Variants in CEP192 observed in about 807,000 individuals in gnomAD.
CEP192 encodes the protein centrosomal protein 192.
Under a neutral mutation model 271.8 loss-of-function variants are expected in CEP192, and 151 were observed. The ratio of observed to expected loss-of-function variants is 0.56; its 90% CI spans 0.49 to 0.64. CEP192 has a LOEUF of 0.64. Among genes scored for constraint, CEP192 ranks in the 30% least tolerant of loss-of-function variants. CEP192 has a pLI of 0.00. For synonymous variants in CEP192, 995 were observed against 1,076.5 expected (o/e 0.92, Z 1.48); for missense variants, 2,910 against 3,020.5 (o/e 0.96, Z 0.86).
rs746335630 is a variant in CEP192 at position 13,087,642 on chromosome 18, C to T, written c.5989C>T (p.Arg1997Cys). Residue 1997 changes from arginine to cysteine, a missense_variant, in exon 32 of 45, where the codon CGC becomes TGC. Transcript: ENST00000506447. Reference sequence around the variant, plus strand: ...AGATGAAATTTCAAGACAGCAGTATCGCAGGTAGATTACTTATCTTACACA... The same window carrying T: ...AGATGAAATTTCAAGACAGCAGTATTGCAGGTAGATTACTTATCTTACACA... The part of the protein sequence containing the change: ...GGDEISRQQY[R>C]RALLHKPEMI... The T allele has an allele frequency of 1.8e-5, 26 of 1,473,248 alleles. No homozygotes were observed. Among genetic ancestry groups the T allele is most frequent in the Non-Finnish European group, 2.2e-5 (24 of 1,078,684 alleles). 91.3% of individuals were successfully genotyped at this position (1,473,248 alleles called of 1,614,324 possible). A position where few individuals can be genotyped will look rare whatever the true frequency, so the allele number is the denominator to read the frequency against.
At chr18:13,081,274 A>AT (rs1208229790) in intron 30 of CEP192, among the ~76,000 whole-genome samples, 1 of 151,924 alleles carries the variant, frequency 6.6e-6, no homozygotes, top group East Asian at 1.9e-4. Context: ...TGGTCCTGGA[A>AT]TTTTTTTGGT....
intron 44 of CEP192, among the ~76,000 whole-genome samples, chr18:13,121,916 T>G (rs2040679132): frequency 6.6e-6 from 1 of 152,266 alleles, no homozygotes; most frequent in Non-Finnish European, 1.5e-5. Context: ...TTTATTACCT[T>G]TTTCAGTTTC....
chr18:13,060,809 A>G (rs532963435), intron 21 of CEP192, among the ~76,000 whole-genome samples: 9 of 152,048 alleles, frequency 5.9e-5, no homozygotes, highest in Non-Finnish European at 1.2e-4. Flanking sequence ...TTGTGATCCC[A>G]ACTACTCAAG....
Position 13,072,857 on chromosome 18 carries a change from A to C in CEP192, c.5439+12A>C. The C allele has an allele frequency of 6.3e-7, 1 of 1,593,646 alleles. No individual in the cohort carries two copies. Among genetic ancestry groups the C allele is most frequent in the Non-Finnish European group, 8.6e-7 (1 of 1,161,444 alleles). On this transcript the variant is annotated intron_variant, in intron 29 of 44. Transcript: ENST00000506447. ...AGGACTGCTTTCAGGTTCGTAGAGT[A>C]CGTGGATTCTTGTTATGTCTTCTGT...
At chr18:13,073,833 T>C (rs998049642) in intron 30 of CEP192, among the ~76,000 whole-genome samples, 8 of 152,204 alleles carry the variant, frequency 5.3e-5, no homozygotes, top group East Asian at 1.9e-4. Context: ...TACTGTCACA[T>C]TGGGGACTAG....
chr18:13,029,782 A>G lies in CEP192; in HGVS notation c.1170A>G (p.Val390=), dbSNP rs2035512307. Residue 390 remains valine, a synonymous_variant, in exon 10 of 45, where the codon GTA becomes GTG. Coordinates refer to ENST00000506447, the MANE Select transcript of CEP192 (RefSeq NM_032142.4). ...NRGGFDLTDP[V]KQGAECPHQN... is the part of the protein sequence containing the mutation. ...GTGGTTTTGATCTGACTGACCCTGT[A>G]AAACAGGGGGCAGAGTGTCCTCACC... 5.2e-6 allele frequency: 8 copies of G among 1,551,542 alleles called. No individual in the cohort carries two copies. Among genetic ancestry groups the G allele is most frequent in the Non-Finnish European group, 7.0e-6 (8 of 1,146,846 alleles).
intron 9 of CEP192, among the ~76,000 whole-genome samples, chr18:13,023,142 C>T (rs1479206544): frequency 6.6e-6 from 1 of 152,112 alleles, no homozygotes; most frequent in Non-Finnish European, 1.5e-5. Flanking sequence ...TATTTCTTCC[C>T]AATCTATATA....
intron 30 of CEP192, among the ~76,000 whole-genome samples, chr18:13,080,523 TAAG>T (rs2038541750): frequency 6.6e-6 from 1 of 152,188 alleles, no homozygotes. Context: ...CTTATCAGCT[TAAG>T]GAGATTTTGG....
chr18:13,070,920 G>A lies in CEP192; in HGVS notation c.5175-119G>A. On this transcript the variant is annotated intron_variant, in intron 27 of 44. Coordinates refer to ENST00000506447, the MANE Select transcript of CEP192 (RefSeq NM_032142.4). ...TCTCTGCAGCACAAGCTCTAAGGGT[G>A]GGAATATCATTGTATCCCCAGCACC... 2.7e-6 allele frequency: 2 copies of A among 732,860 alleles called. 1 individual carries two copies. Among genetic ancestry groups the A allele is most frequent in the Non-Finnish European group, 4.6e-6 (2 of 435,212 alleles). 45.4% of individuals were successfully genotyped at this position (732,860 alleles called of 1,614,324 possible).
intron 32 of CEP192, chr18:13,088,614 A>G (rs2039002105): frequency 5.6e-6 from 1 of 180,122 alleles, no homozygotes; most frequent in Admixed American, 5.7e-5. Flanking sequence ...AGTGCAGCTC[A>G]TGGTGTGTCA....
chr18:13,104,368 TC>T (rs1369899659), intron 39 of CEP192, among the ~76,000 whole-genome samples: 1 of 152,154 alleles, frequency 6.6e-6, no homozygotes, highest in Non-Finnish European at 1.5e-5. Context: ...AGTGGGTGTG[TC>T]ATTGGTGGTG....
chr18:13,096,081 C>A, intron 35 of CEP192, 103 bp from the exon 36 acceptor site: 1 of 1,165,472 alleles, frequency 8.6e-7, no homozygotes. Context: ...AAAGCAGTAG[C>A]ATACTTGTAT....
chr18:13,015,815 G>A (rs1183740631), intron 6 of CEP192, among the ~76,000 whole-genome samples: 1 of 149,380 alleles, frequency 6.7e-6, no homozygotes, highest in East Asian at 2.0e-4. Context: ...GTGTGATCTC[G>A]GCTCACCACA....
At chr18:13,011,489 G>A (rs2034357627) in intron 4 of CEP192, among the ~76,000 whole-genome samples, 1 of 150,552 alleles carries the variant, frequency 6.6e-6, no homozygotes. Context: ...CAAGAGAAAG[G>A]AAACCATATG....
chr18:13,083,189 C>T (rs2038716684), intron 30 of CEP192, among the ~76,000 whole-genome samples: 1 of 152,180 alleles, frequency 6.6e-6, no homozygotes, highest in African/African-American at 2.4e-5. Context: ...TGGGGAAGTT[C>T]TCCTGGATAA....
rs117911997 is a variant in CEP192 at position 13,038,786 on chromosome 18, C to T, written c.1809+207C>T. Among the ~76,000 whole-genome samples the T allele has an allele frequency of 1.9e-3, 288 of 152,324 alleles. 6 individuals are homozygous for T. In the East Asian group the frequency reaches 0.037, roughly 20 times the overall value. ...TGGGACATTGAGCAATTTAACTCCT[C>T]TGTGCCTGAATTTCCCGTTTCTTAA... On this transcript the variant is annotated intron_variant, in intron 13 of 44. Transcript: ENST00000506447.
At chr18:13,031,182 C>T (rs535188056) in intron 11 of CEP192, among the ~76,000 whole-genome samples, 1 of 151,376 alleles carries the variant, frequency 6.6e-6, no homozygotes, top group African/African-American at 2.4e-5. Context: ...CAGGGCTGAG[C>T]TCTTCTGTAA....
chr18:13,084,563 C>T (rs867333344), intron 30 of CEP192, among the ~76,000 whole-genome samples: 6 of 152,278 alleles, frequency 3.9e-5, no homozygotes, highest in Admixed American at 6.5e-5. Context: ...GGAAATCCCC[C>T]GACCCCTTGT....
intron 13 of CEP192, 39 bp from the exon 14 acceptor site, chr18:13,040,791 G>C (rs768463885): frequency 6.6e-7 from 1 of 1,504,266 alleles, no homozygotes; most frequent in East Asian, 2.3e-5. Context: ...CAAAGCAGTT[G>C]AAAATCAAAG....
Sources: allele counts gnomAD v4.1 joint callset (sites outside exome capture counted in the v4.1 genomes callset), GRCh38; gene constraint gnomAD v4.1.1; transcripts MANE v1.5; gene names NCBI Gene and HGNC (gene_info 2026-07-23, HGNC 2026-07-21).